The following COL6A3 variants were observed in gnomAD, a reference collection of about 807,000 sequenced individuals.
COL6A3 encodes the protein collagen alpha-3(VI) chain.
In COL6A3, 137 loss-of-function variants were observed where a neutral mutation model predicts 274.1. The ratio of observed to expected loss-of-function variants is 0.50; its 90% confidence interval spans 0.44 to 0.58. The LOEUF (loss-of-function observed/expected upper bound fraction) is 0.58, where lower values mean the gene tolerates loss of function less well. COL6A3 is among the 20% of genes least tolerant of loss of function. The probability of loss-of-function intolerance (pLI) is 0.00; values close to 1 mark genes in which losing one functional copy is unlikely to be tolerated. For synonymous variants in COL6A3, 1,650 were observed against 1,650.6 expected, an observed-to-expected ratio of 1.00 and a Z score of 0.01; for missense variants, 3,950 against 4,124.9, an observed-to-expected ratio of 0.96 and a Z score of 1.16.
chr2:237,356,940 A>C (rs1012098339), intron 23 of COL6A3: 10 of 272,562 alleles, frequency 3.7e-5, no homozygotes, highest in African/African-American at 1.5e-4. Context: ...GCATCCCCCC[A>C]AAAACCCACA....
At chr2:237,363,174 A>T in intron 14 of COL6A3, 79 bp downstream of exon 14, 1 of 1,380,326 alleles carries the variant, frequency 7.2e-7, no homozygotes, top group Non-Finnish European at 1.0e-6. Context: ...ACCTGCTGAT[A>T]ATTAACTTCA....
chr2:237,366,958 G>A lies in COL6A3; in HGVS notation c.5229C>T (p.Val1743=). The A allele has an allele frequency of 1.2e-6, 2 of 1,614,242 alleles. No individual in the cohort carries two copies. The highest frequency in any genetic ancestry group is 2.2e-5 in the South Asian group (2 of 91,086). Residue 1743 remains valine (V), a synonymous_variant, in exon 11 of 44, where the codon GTC becomes GTT. Transcript: ENST00000295550. ...PEAGSRLDQR[V]PQIAFVITGG... is the part of the protein sequence containing the mutation. The stretch of plus-strand genomic sequence containing the variant: ...CCGTGATCACAAAGGCAATCTGAGG[G>A]ACCCGCTGGTCCAGGCGGCTGCCTG...
chr2:237,373,532 C>G (rs2077748840), intron 8 of COL6A3, among the ~76,000 whole-genome samples: 1 of 152,162 alleles, frequency 6.6e-6, no homozygotes, highest in Non-Finnish European at 1.5e-5. Flanking sequence ...CCCAAATAAT[C>G]ATCCTCACCT....
At position 237,336,948 on chromosome 2, in the gene COL6A3, C is replaced by T. The variant is rs567977268; in HGVS notation, c.8568-416G>A. ...AAGAAAATATCCACTCAATCAAATG[C>T]TATGTTGAGCTGGAAAATTATAAAG... On this transcript the variant is annotated intron_variant, in intron 39 of 43. Coordinates refer to ENST00000295550, the MANE Select transcript of COL6A3 (RefSeq NM_004369.4). Among the ~76,000 whole-genome samples, 104 of 152,200 alleles carry T rather than the reference C, an allele frequency of 6.8e-4. 1 individual carries two copies. The highest frequency in any genetic ancestry group is 2.3e-3 in the African/African-American group (94 of 41,532).
chr2:237,390,756 T>C (rs1445458679), intron 3 of COL6A3, among the ~76,000 whole-genome samples: 1 of 152,226 alleles, frequency 6.6e-6, no homozygotes, highest in Non-Finnish European at 1.5e-5. Flanking sequence ...TTGTTTCCTA[T>C]GTAAAACACA....
chr2:237,360,011 C>G lies in COL6A3; in HGVS notation c.6282+77G>C, dbSNP rs1035121085. 5.4e-6 allele frequency: 8 copies of G among 1,474,562 alleles called. No homozygotes were observed. In the African/African-American group the frequency reaches 1.1e-4, roughly 20 times the overall value. The allele number at this position is 1,474,562 out of a possible 1,614,324, so 91.3% of individuals were successfully genotyped here. On this transcript the variant is annotated intron_variant, in intron 17 of 43. Coordinates refer to ENST00000295550, the MANE Select transcript of COL6A3 (RefSeq NM_004369.4). Reference sequence around the variant, plus strand: ...TCAAGAAGCCTGGACCAGCGCCTCCCTCCCTGGCAGCATCTGGAGAAACTG... The same window carrying G: ...TCAAGAAGCCTGGACCAGCGCCTCCGTCCCTGGCAGCATCTGGAGAAACTG...
At chr2:237,369,283 C>T in intron 9 of COL6A3, 106 bp from the exon 10 acceptor site, 1 of 1,433,040 alleles carries the variant, frequency 7.0e-7, no homozygotes, top group Non-Finnish European at 9.5e-7. Flanking sequence ...AAGATTATAT[C>T]CCAAGATGCC....
intron 12 of COL6A3, 106 bp downstream of exon 12, chr2:237,365,592 T>C (rs1358031880): frequency 6.1e-6 from 6 of 979,182 alleles, no homozygotes; most frequent in Admixed American, 5.2e-5. Context: ...ACACTAACAA[T>C]CCAGTGAAAC....
At chr2:237,383,090 C>T (rs970336960) in intron 4 of COL6A3, among the ~76,000 whole-genome samples, 3 of 152,206 alleles carry the variant, frequency 2.0e-5, no homozygotes, top group Non-Finnish European at 2.9e-5. Flanking sequence ...TGAGCCACCA[C>T]ATCCAGCCTA....
At chr2:237,346,703 C>G (rs564536868) in intron 31 of COL6A3, 138 bp from the exon 32 acceptor site, 13 of 754,924 alleles carry the variant, frequency 1.7e-5, no homozygotes, top group Non-Finnish European at 2.7e-5. Flanking sequence ...TTTAAGGGAG[C>G]TAAAATGTCT....
rs569907876 is a variant in COL6A3, at chr2:237,340,539, C to T, written c.8377G>A (p.Val2793Ile). ...VYTFASEPND[V>I]FFKLVDKSTE... ...GACTTGTCCACTAATTTGAAGAAGA[C>T]GTCGTTTGGCTCACTGGCGAAGGTG... Residue 2793 changes from valine (V) to isoleucine (I), a missense_variant, in exon 38 of 44, where the codon GTC becomes ATC. Physicochemically the swap from Val to Ile is conservative, Grantham distance 29 (BLOSUM62 3). Coordinates refer to ENST00000295550, the MANE Select transcript of COL6A3 (RefSeq NM_004369.4). 22 of 1,614,170 alleles carry T rather than the reference C, an allele frequency of 1.4e-5. No individual in the cohort carries two copies. The highest frequency in any genetic ancestry group is 3.3e-5 in the Admixed American group (2 of 60,026).
intron 25 of COL6A3, 62 bp from the exon 26 acceptor site, chr2:237,352,646 A>T (rs2077232059): frequency 6.7e-7 from 1 of 1,483,532 alleles, no homozygotes; most frequent in Non-Finnish European, 9.3e-7. Context: ...AAGCCTCTGC[A>T]TGGCATCTGC....
rs763209806 is a variant in COL6A3 at position 237,325,662 on chromosome 2, C to G, written c.9391G>C (p.Asp3131His). ...CRDFILKWYYDPNTKSCARFW... is the reference protein window; with the variant it reads ...CRDFILKWYYHPNTKSCARFW... ...CTTGCACAGCTTTTGGTGTTTGGAT[C>G]ATAGTACCATTTTAATATGAAATCC... is the stretch of plus-strand genomic sequence containing the variant. Residue 3131 changes from aspartate to histidine, a missense_variant, in exon 43 of 44, where the codon GAT becomes CAT. Physicochemically the swap from Asp to His is moderately conservative, Grantham distance 81. Coordinates refer to ENST00000295550, the MANE Select transcript of COL6A3 (RefSeq NM_004369.4). 1 of 1,614,130 alleles carries G rather than the reference C, an allele frequency of 6.2e-7. No homozygotes were observed. Among genetic ancestry groups the G allele is most frequent in the Non-Finnish European group, 8.5e-7 (1 of 1,180,000 alleles).
Position 237,369,197 on chromosome 2 carries a change from A to G in COL6A3, c.4286-20T>C, listed in dbSNP as rs1234177701. 2 of 1,604,804 alleles carry G rather than the reference A, an allele frequency of 1.2e-6. No homozygotes were observed. The highest frequency in any genetic ancestry group is 2.2e-5 in the South Asian group (2 of 90,968). On this transcript the variant is annotated intron_variant, in intron 9 of 43. Coordinates refer to ENST00000295550, the MANE Select transcript of COL6A3 (RefSeq NM_004369.4). Reference sequence around the variant, plus strand: ...CAACTGCTGCAGATCAAAGAAGAAAAAGGGAAACATTCAGTGTGTAAGTAG... The same window carrying G: ...CAACTGCTGCAGATCAAAGAAGAAAGAGGGAAACATTCAGTGTGTAAGTAG...
chr2:237,352,866 C>T (rs11901326), intron 25 of COL6A3, among the ~76,000 whole-genome samples: 1 of 152,108 alleles, frequency 6.6e-6, no homozygotes, highest in African/African-American at 2.4e-5. Flanking sequence ...CAGAAGATGG[C>T]AACAACCTAA....
rs1212633018 is a variant in COL6A3, at chr2:237,377,095, A to G, written c.2747T>C (p.Leu916Pro). The G allele has an allele frequency of 6.2e-7, 1 of 1,614,212 alleles. No homozygotes were observed. The highest frequency in any genetic ancestry group is 1.7e-5 in the Admixed American group (1 of 60,028). ...MKIKTGKALN[L>P]GYALDYAQRY... ...CTGTGCATAGTCCAGCGCGTAGCCC[A>G]GGTTGAGGGCTTTGCCCGTCTTGAT... Residue 916 changes from leucine to proline, a missense_variant, in exon 7 of 44, where the codon CTG becomes CCG. By Grantham distance (98) the Leu-to-Pro change is moderately conservative (BLOSUM62 -3). Coordinates refer to ENST00000295550, the MANE Select transcript of COL6A3 (RefSeq NM_004369.4).
intron 3 of COL6A3, among the ~76,000 whole-genome samples, chr2:237,389,380 G>A (rs572852389): frequency 6.6e-6 from 1 of 152,282 alleles, no homozygotes; most frequent in South Asian, 2.1e-4. Flanking sequence ...ATGTGAGCTT[G>A]AGCTTATCTA....
Position 237,396,729 on chromosome 2 carries a change from G to T in COL6A3, c.89C>A (p.Ala30Glu). 1 of 1,614,036 alleles carries T rather than the reference G, an allele frequency of 6.2e-7. No homozygotes were observed. Among genetic ancestry groups the T allele is most frequent in the Non-Finnish European group, 8.5e-7 (1 of 1,179,960 alleles). The change falls in exon 2 of 44, where the codon GCA becomes GAA. Residue 30 changes from alanine (A) to glutamate (E), a missense_variant and splice_region_variant. This residue lies in a region of COL6A3 where 1,934 missense variants were observed against 1,984.3 expected (regional missense o/e 0.97). Coordinates refer to ENST00000295550, the MANE Select transcript of COL6A3 (RefSeq NM_004369.4). Reference protein sequence around the residue: ...FPTTHAQQQQADVKNGAAADI... With the variant: ...FPTTHAQQQQEDVKNGAAADI... ...TCAAGGACGTTTCTGGCTCTTACCT[G>T]CTTGCTGCTGCTGGGCATGAGTTGT...
chr2:237,336,585 AT>A (rs1700565880), intron 39 of COL6A3, 53 bp from the exon 40 acceptor site: 1 of 1,581,330 alleles, frequency 6.3e-7, no homozygotes, highest in African/African-American at 1.4e-5. Context: ...TCTAAAATAA[AT>A]AAAGACATAA....
Sources: gnomAD v4.1 joint callset for allele counts (sites outside exome capture counted in the v4.1 genomes callset) on GRCh38, gnomAD v4.1.1 for gene constraint, gnomAD v4.1.1 regional missense constraint, MANE v1.5 for transcripts, NCBI Gene and HGNC (gene_info 2026-07-23, HGNC 2026-07-21) for gene names.